The following ADGRL3 variants were observed in gnomAD, a reference collection of about 807,000 sequenced individuals.
The protein encoded by ADGRL3 is calcium-independent alpha-latrotoxin receptor 3.
In ADGRL3, 62 loss-of-function variants were observed where a neutral mutation model predicts 153.5. The ratio of observed to expected loss-of-function variants is 0.40; its 90% CI spans 0.33 to 0.50. ADGRL3 has a LOEUF of 0.50. Ranked by LOEUF, ADGRL3 falls within the 20% of genes least tolerant of loss-of-function variation. The pLI is 0.47. For synonymous variants in ADGRL3, 710 were observed against 672.5 expected (o/e 1.06, Z -0.86); for missense variants, 1,641 against 1,859.4 (o/e 0.88, Z 2.16).
chr4:61,478,628 A>G (rs2098094463), intron 2 of ADGRL3, among the ~76,000 whole-genome samples: 1 of 152,054 alleles, frequency 6.6e-6, no homozygotes. Context: ...GGGCAATCCA[A>G]TATAGAACTC....
chr4:61,675,299 C>T (rs2095148644), intron 5 of ADGRL3, among the ~76,000 whole-genome samples: 1 of 151,730 alleles, frequency 6.6e-6, no homozygotes, highest in South Asian at 2.1e-4. Flanking sequence ...AAGAATCTAG[C>T]CCTGAGGTAT....
chr4:61,723,523 T>C (rs2096275483), intron 6 of ADGRL3, among the ~76,000 whole-genome samples: 1 of 152,106 alleles, frequency 6.6e-6, no homozygotes, highest in Non-Finnish European at 1.5e-5. Context: ...GGAGGCGGTG[T>C]CTGATTTGCA....
At chr4:61,819,439 A>G (rs970312441) in intron 9 of ADGRL3, among the ~76,000 whole-genome samples, 1 of 152,050 alleles carries the variant, frequency 6.6e-6, no homozygotes, top group African/African-American at 2.4e-5. Context: ...CAACATCTCT[A>G]GGTTTTCCCC....
chr4:61,789,180 A>G (rs1361384896), intron 8 of ADGRL3, among the ~76,000 whole-genome samples: 1 of 152,166 alleles, frequency 6.6e-6, no homozygotes, highest in African/African-American at 2.4e-5. Context: ...TTTAGATTAT[A>G]CTGATTAGAA....
chr4:61,232,331 A>G lies in ADGRL3; in HGVS notation c.-240+30566A>G, dbSNP rs1328053036. ...CACTTCATTTTTTTTTTTTTGAGAC[A>G]AAGTTTTGTTTTTGTTCCCCAGATT... On this transcript the variant is annotated intron_variant, in intron 1 of 26. Coordinates refer to ENST00000683033, the MANE Select transcript of ADGRL3 (RefSeq NM_001387552.1). 4.0e-5 allele frequency among the ~76,000 whole-genome samples: 6 copies of G among 150,848 alleles called. No homozygotes were observed. The South Asian group carries it at 8.4e-4, about 21-fold the overall frequency.
intron 3 of ADGRL3, among the ~76,000 whole-genome samples, chr4:61,500,520 A>T (rs1387841709): frequency 6.6e-6 from 1 of 152,132 alleles, no homozygotes; most frequent in African/African-American, 2.4e-5. Flanking sequence ...ATAACTTGAA[A>T]CCTTAGATGA....
intron 8 of ADGRL3, among the ~76,000 whole-genome samples, chr4:61,809,894 A>G (rs2097590350): frequency 6.6e-6 from 1 of 152,172 alleles, no homozygotes; most frequent in Non-Finnish European, 1.5e-5. Flanking sequence ...AAATTCATCT[A>G]ATCTTCAGAA....
chr4:61,951,332 G>A (rs543689269), intron 17 of ADGRL3, among the ~76,000 whole-genome samples: 13 of 152,234 alleles, frequency 8.5e-5, no homozygotes, highest in South Asian at 4.2e-4. Flanking sequence ...CAGGGGAGCC[G>A]ACTCCTGGCT....
intron 1 of ADGRL3, among the ~76,000 whole-genome samples, chr4:61,313,978 A>C (rs746010041): frequency 1.3e-5 from 2 of 152,116 alleles, no homozygotes; most frequent in Non-Finnish European, 2.9e-5. Flanking sequence ...ATGTTGAAGG[A>C]AAGTGGAGTA....
intron 1 of ADGRL3, among the ~76,000 whole-genome samples, chr4:61,310,677 C>T (rs556839618): frequency 2.6e-5 from 4 of 151,990 alleles, no homozygotes; most frequent in African/African-American, 9.6e-5. Flanking sequence ...ATGATGAGCA[C>T]CCTCATTACA....
chr4:61,569,985 T>C (rs1241817490), intron 4 of ADGRL3, among the ~76,000 whole-genome samples: 1 of 152,198 alleles, frequency 6.6e-6, no homozygotes, highest in African/African-American at 2.4e-5. Context: ...TATTCATTAT[T>C]TGATGAATAT....
intron 1 of ADGRL3, among the ~76,000 whole-genome samples, chr4:61,366,621 G>T (rs1031875271): frequency 6.6e-6 from 1 of 152,186 alleles, no homozygotes; most frequent in Non-Finnish European, 1.5e-5. Context: ...TTTGACTGCA[G>T]TGAAGTAGAG....
intron 6 of ADGRL3, among the ~76,000 whole-genome samples, chr4:61,725,620 A>G (rs1168225166): frequency 6.6e-6 from 1 of 151,802 alleles, no homozygotes; most frequent in Non-Finnish European, 1.5e-5. Context: ...AAAAAAAACA[A>G]AAAAAAACAA....
intron 9 of ADGRL3, among the ~76,000 whole-genome samples, chr4:61,845,875 C>A (rs1445669596): frequency 6.6e-6 from 1 of 152,034 alleles, no homozygotes; most frequent in Non-Finnish European, 1.5e-5. Flanking sequence ...TTGATGTAAA[C>A]CAATTCCTAC....
intron 2 of ADGRL3, among the ~76,000 whole-genome samples, chr4:61,469,076 T>C (rs1251726379): frequency 6.6e-6 from 1 of 152,086 alleles, no homozygotes; most frequent in Non-Finnish European, 1.5e-5. Context: ...TAGAATTTTC[T>C]ATGTTCCTAT....
chr4:61,465,071 G>A (rs1473581334), intron 2 of ADGRL3, among the ~76,000 whole-genome samples: 1 of 152,068 alleles, frequency 6.6e-6, no homozygotes, highest in Non-Finnish European at 1.5e-5. Context: ...AGAGTATATT[G>A]GGAAAATAAA....
intron 5 of ADGRL3, among the ~76,000 whole-genome samples, chr4:61,674,300 A>T (rs966079881): frequency 6.6e-6 from 1 of 151,616 alleles, no homozygotes; most frequent in Non-Finnish European, 1.5e-5. Flanking sequence ...ATTCTTCCAT[A>T]ATTGTAAATT....
rs183589313 is a variant in ADGRL3, at chr4:61,915,284, A to G, written c.2112+2527A>G. Among the ~76,000 whole-genome samples the G allele has an allele frequency of 5.4e-4, 80 of 147,576 alleles. 3 individuals are homozygous for G. Among genetic ancestry groups the G allele is most frequent in the Admixed American group, 5.0e-3 (73 of 14,710 alleles). On this transcript the variant is annotated intron_variant, in intron 13 of 26. Coordinates refer to ENST00000683033, the MANE Select transcript of ADGRL3 (RefSeq NM_001387552.1). ...CATATATATCTGTATATATAAATAT[A>G]TATCAATATATATCTGTATATATAA... is the stretch of plus-strand genomic sequence containing the variant.
intron 1 of ADGRL3, among the ~76,000 whole-genome samples, chr4:61,232,627 A>G (rs752265075): frequency 6.6e-6 from 1 of 152,038 alleles, no homozygotes; most frequent in Non-Finnish European, 1.5e-5. Context: ...GTCACTTTGG[A>G]AGAACAAGCT....
Sources: allele counts gnomAD v4.1 joint callset (sites outside exome capture counted in the v4.1 genomes callset), GRCh38; gene constraint gnomAD v4.1.1; transcripts MANE v1.5; gene names NCBI Gene and HGNC (gene_info 2026-07-23, HGNC 2026-07-21).